Variants in ZNF462 observed in about 807,000 individuals in gnomAD.
ZNF462 encodes zinc finger protein 462.
Under a neutral mutation model 201.9 loss-of-function variants are expected in ZNF462, and 10 were observed. The ratio of observed to expected loss-of-function variants is 0.05; its 90% CI spans 0.03 to 0.08. ZNF462 has a LOEUF of 0.08. ZNF462 is among the 10% of genes least tolerant of loss of function. The probability of loss-of-function intolerance (pLI) is 1.00; values close to 1 mark genes in which losing one functional copy is unlikely to be tolerated. For missense variants in ZNF462, 2,523 were observed against 3,168.3 expected (o/e 0.80, Z 4.89); for synonymous variants, 1,227 against 1,193.3 (o/e 1.03, Z -0.58).
intron 10 of ZNF462, among the ~76,000 whole-genome samples, chr9:106,992,348 A>C (rs1044220747): frequency 1.3e-5 from 2 of 152,128 alleles, no homozygotes; most frequent in African/African-American, 4.8e-5. Context: ...ATAGTATCAA[A>C]GTGTTGGCAA....
chr9:106,860,275 G>T (rs371625492), upstream of ZNF462, among the ~76,000 whole-genome samples: 127 of 152,324 alleles, frequency 8.3e-4, no homozygotes, highest in African/African-American at 2.9e-3. This position sits in a 1 kb window ranked among gnomAD's most constrained non-coding sequence, Gnocchi z 7.1. Flanking sequence ...TGAGTTCACC[G>T]CAGTCGGTCC....
At chr9:106,914,173 C>T (rs889654097) in intron 1 of ZNF462, among the ~76,000 whole-genome samples, 1 of 146,728 alleles carries the variant, frequency 6.8e-6, no homozygotes, top group African/African-American at 2.4e-5. Flanking sequence ...CTGGGCTCTC[C>T]CAGGTTGTTG....
At chr9:106,863,152 T>C, upstream of ZNF462, 1 of 398,276 alleles carries the variant, frequency 2.5e-6, no homozygotes, top group Middle Eastern at 6.3e-4. Context: ...TCTCAGGTCA[T>C]CTGCAGCTGC....
intron 1 of ZNF462, among the ~76,000 whole-genome samples, chr9:106,906,682 A>G (rs1227057068): frequency 2.6e-5 from 4 of 152,242 alleles, no homozygotes; most frequent in Admixed American, 2.6e-4. Flanking sequence ...GTTTATTGAT[A>G]ACTAGTACTT....
rs897621167 is a variant in ZNF462, at chr9:106,972,609, GA to G, written c.6695+345del. ...GTCTCCTCTCCTTTTTTTAGCTTTG[GA>G]AAAAAAAGTATGTTCTTGGAAGCAA... On this transcript the variant is annotated intron_variant, in intron 8 of 12. Transcript: ENST00000277225. The surrounding 1 kb of genome is among the most constrained non-coding windows in gnomAD (Gnocchi z 4.8). Among the ~76,000 whole-genome samples, 7 of 151,482 alleles carry G rather than the reference GA, an allele frequency of 4.6e-5. No homozygotes were observed. The highest frequency in any genetic ancestry group is 8.8e-5 in the Non-Finnish European group (6 of 67,870).
intron 1 of ZNF462, among the ~76,000 whole-genome samples, chr9:106,888,187 G>A (rs993216501): frequency 6.6e-6 from 1 of 152,022 alleles, no homozygotes; most frequent in Non-Finnish European, 1.5e-5. Flanking sequence ...GACTACAGGC[G>A]CCCGCCACCG....
At chr9:106,894,681 C>G (rs1588014523) in intron 1 of ZNF462, among the ~76,000 whole-genome samples, 1 of 152,112 alleles carries the variant, frequency 6.6e-6, no homozygotes, top group East Asian at 1.9e-4. Context: ...TAGCCCTGAG[C>G]CACAGGTGGC....
chr9:106,943,924 C>T (rs769343697), intron 7 of ZNF462, among the ~76,000 whole-genome samples: 51 of 152,232 alleles, frequency 3.4e-4, no homozygotes, highest in Non-Finnish European at 6.3e-4. Context: ...AGGGAATGCT[C>T]TAACATTAAT....
Position 106,925,452 on chromosome 9 carries a change from A to G in ZNF462, c.1540A>G (p.Asn514Asp). The change falls in exon 3 of 13, where the codon AAT becomes GAT. Residue 514 changes from asparagine to aspartate, a missense_variant. By Grantham distance (23) the Asn-to-Asp change is conservative. Around this residue, in one of 15 missense-constraint regions of ZNF462, gnomAD observed 383 missense variants for 453.4 expected, o/e 0.84. Transcript: ENST00000277225. This position sits in a 1 kb window ranked among gnomAD's most constrained non-coding sequence, Gnocchi z 7.9. ...GAGTGAAAGCATTTCTTCCTCACTG[A>G]ATGAAGGTGTGGTGTCTTATGAGAG... ...SQSESISSSL[N>D]EGVVSYESSS... 6.2e-7 allele frequency: 1 copy of G among 1,614,150 alleles called. No homozygotes were observed. The highest frequency in any genetic ancestry group is 8.5e-7 in the Non-Finnish European group (1 of 1,180,024).
In ZNF462 at chr9:107,009,523, C is replaced by T. The variant is rs1345216403; in HGVS notation, c.7190-22C>T. ...GCTGATTCCCACAGCACACAGGTAA[C>T]ACTTCTGCTTTCTCTTTGCAGAGCT... On this transcript the variant is annotated intron_variant, in intron 11 of 12. Transcript: ENST00000277225. The surrounding 1 kb of genome is among the most constrained non-coding windows in gnomAD (Gnocchi z 6.1). 1.9e-6 allele frequency: 3 copies of T among 1,613,532 alleles called. No homozygotes were observed. The highest frequency in any genetic ancestry group is 1.7e-6 in the Non-Finnish European group (2 of 1,179,790).
intron 1 of ZNF462, 137 bp downstream of exon 1, chr9:106,863,492 C>T (rs918354362): frequency 3.3e-5 from 8 of 239,198 alleles, no homozygotes; most frequent in Non-Finnish European, 5.6e-5. Context: ...AGGAAGTCCC[C>T]TGCATGGACT....
In ZNF462 at chr9:106,928,324, A is replaced by G. The variant is rs549907328; in HGVS notation, c.4412A>G (p.Gln1471Arg). 1.2e-6 allele frequency: 2 copies of G among 1,614,106 alleles called. No homozygotes were observed. Among genetic ancestry groups the G allele is most frequent in the African/African-American group, 1.3e-5 (1 of 75,022 alleles). Residue 1471 changes from glutamine to arginine, a missense_variant, in exon 3 of 13, where the codon CAG becomes CGG. Physicochemically the swap from Gln to Arg is conservative, Grantham distance 43. This residue lies in a region of ZNF462 where 200 missense variants were observed against 281.3 expected (regional missense o/e 0.71). Transcript: ENST00000277225. The surrounding 1 kb of genome is among the most constrained non-coding windows in gnomAD (Gnocchi z 9.3). ...ANPAISSTPY[Q>R]CTVCQSEYNN... ...CCCGCCATATCCTCCACCCCATACC[A>G]GTGCACGGTATGCCAATCTGAGTAT...
intron 1 of ZNF462, among the ~76,000 whole-genome samples, chr9:106,867,938 C>T (rs1459953828): frequency 5.3e-5 from 8 of 152,064 alleles, no homozygotes; most frequent in Non-Finnish European, 1.2e-4. Context: ...CATAATGCCG[C>T]AGTCACAAAT....
rs532725752 is a variant in ZNF462, at chr9:107,011,294, G to A, written c.*264G>A. The A allele has an allele frequency of 7.6e-5, 32 of 420,150 alleles. No individual in the cohort carries two copies. In the Middle Eastern group the frequency reaches 4.3e-3, roughly 57 times the overall value. 26.0% of individuals were successfully genotyped at this position (420,150 alleles called of 1,614,324 possible). A position where few individuals can be genotyped will look rare whatever the true frequency, so the allele number is the denominator to read the frequency against. On this transcript the variant is annotated 3_prime_UTR_variant, in exon 13 of 13. Transcript: ENST00000277225. This position sits in a 1 kb window ranked among gnomAD's most constrained non-coding sequence, Gnocchi z 5.6. ...TCATCATGGAAGTTTCATTTGTTGC[G>A]GAATATGGAAGCACCTCCCAATGGT...
At chr9:106,959,865 C>G (rs1831749089) in intron 7 of ZNF462, among the ~76,000 whole-genome samples, 1 of 152,000 alleles carries the variant, frequency 6.6e-6, no homozygotes. Context: ...ACACCTGAAT[C>G]CAGCATCACT....
In ZNF462 at chr9:106,954,447, A is replaced by T. The variant is rs1372553849; in HGVS notation, c.6427+15340A>T. Among the ~76,000 whole-genome samples, 1 of 151,704 alleles carries T rather than the reference A, an allele frequency of 6.6e-6. No individual in the cohort carries two copies. The highest frequency in any genetic ancestry group is 6.6e-5 in the Admixed American group (1 of 15,194). Reference sequence around the variant, plus strand: ...AAGGTCCCTTCCTTGACACGTGGGGATTACAATTAGAGATGAGATTTGGGT... The same window carrying T: ...AAGGTCCCTTCCTTGACACGTGGGGTTTACAATTAGAGATGAGATTTGGGT... On this transcript the variant is annotated intron_variant, in intron 7 of 12. Transcript: ENST00000277225. This position sits in a 1 kb window ranked among gnomAD's most constrained non-coding sequence, Gnocchi z 4.0.
chr9:106,888,137 G>A (rs1828407040), intron 1 of ZNF462, among the ~76,000 whole-genome samples: 1 of 151,968 alleles, frequency 6.6e-6, no homozygotes, highest in South Asian at 2.1e-4. Context: ...CGCCTCCCGG[G>A]TTCACGCCGT....
In ZNF462 at chr9:106,955,638, G is replaced by A. The variant is rs189180784; in HGVS notation, c.6428-16367G>A. Reference sequence around the variant, plus strand: ...AGTGCTGTTGCAGTGCTATTTGATAGCATTTTACCCACAGTAGAACTTCCT... The same window carrying A: ...AGTGCTGTTGCAGTGCTATTTGATAACATTTTACCCACAGTAGAACTTCCT... On this transcript the variant is annotated intron_variant, in intron 7 of 12. Transcript: ENST00000277225. 3.9e-4 allele frequency among the ~76,000 whole-genome samples: 59 copies of A among 152,226 alleles called. No individual in the cohort carries two copies. The East Asian group carries it at 8.9e-3, about 23-fold the overall frequency.
At chr9:106,948,375 C>A (rs776769262) in intron 7 of ZNF462, among the ~76,000 whole-genome samples, 1 of 152,318 alleles carries the variant, frequency 6.6e-6, no homozygotes, top group East Asian at 1.9e-4. Context: ...GCTATAAGTG[C>A]ATTCAGCTAG....
Sources: allele counts gnomAD v4.1 joint callset (sites outside exome capture counted in the v4.1 genomes callset), GRCh38; gene constraint gnomAD v4.1.1; regional missense constraint gnomAD v4.1.1; non-coding constraint Gnocchi (gnomAD v3.1); transcripts MANE v1.5; gene names NCBI Gene and HGNC (gene_info 2026-07-23, HGNC 2026-07-21).